Variants in MYO16 observed in about 807,000 individuals in gnomAD.
MYO16 encodes myosin XVI.
MYO16 carries 94 observed loss-of-function variants against 205.3 expected under a neutral mutation model. That is an observed-to-expected ratio of 0.46 (90% CI 0.39 to 0.54). MYO16 has a LOEUF of 0.54. Among genes scored for constraint, MYO16 ranks in the 20% least tolerant of loss-of-function variants. The probability of loss-of-function intolerance (pLI) is 0.00; values close to 1 mark genes in which losing one functional copy is unlikely to be tolerated. For missense variants in MYO16, 2,315 were observed against 2,387.5 expected, an observed-to-expected ratio of 0.97 and a Z score of 0.63; for synonymous variants, 988 against 954.0, an observed-to-expected ratio of 1.04 and a Z score of -0.66.
At chr13:109,034,669 G>A (rs1886655407) in intron 23 of MYO16, among the ~76,000 whole-genome samples, 2 of 152,114 alleles carry the variant, frequency 1.3e-5, no homozygotes, top group Non-Finnish European at 2.9e-5. Context: ...AGTCCCTGCT[G>A]TTTTCCTTGG....
the MYO16 span, among the ~76,000 whole-genome samples, chr13:108,568,931 C>A: frequency 3.3e-5 from 5 of 151,844 alleles, no homozygotes; most frequent in Non-Finnish European, 7.4e-5. Flanking sequence ...TCCTGAAAAC[C>A]TATTATTTTC....
chr13:109,172,702 T>C (rs1174544095), intron 33 of MYO16, among the ~76,000 whole-genome samples: 1 of 152,208 alleles, frequency 6.6e-6, no homozygotes, highest in East Asian at 1.9e-4. Flanking sequence ...TTTTATATGA[T>C]GAAATTTAGC....
chr13:108,596,779 T>TA (rs1248583963), intron 1 of MYO16, among the ~76,000 whole-genome samples: 3 of 152,218 alleles, frequency 2.0e-5, no homozygotes, highest in Admixed American at 1.3e-4. Context: ...GTACTTTTGG[T>TA]AAAAACAGTG....
chr13:109,179,765 C>CCTG, intron 34 of MYO16, 132 bp downstream of exon 34: 1 of 622,576 alleles, frequency 1.6e-6, no homozygotes. Context: ...CTGCCCTGCA[C>CCTG]TCCTTCAGCT....
Position 108,806,198 on chromosome 13 carries a change from T to A in MYO16, c.742-481T>A, listed in dbSNP as rs9583294. Among the ~76,000 whole-genome samples the A allele has an allele frequency of 9.0e-3, 1,377 of 152,312 alleles. 28 individuals are homozygous for A. Among genetic ancestry groups the A allele is most frequent in the African/African-American group, 0.032 (1,332 of 41,566 alleles). ...TTTTTAAGCCGCCGGGATTAGTTAA[T>A]CCTTTTCAGTGTTTCTGTGCCTTTT... On this transcript the variant is annotated intron_variant, in intron 6 of 34. Coordinates refer to ENST00000457511, the MANE Select transcript of MYO16 (RefSeq NM_001198950.3).
At position 108,898,189 on chromosome 13, in the gene MYO16, G is replaced by A. The variant is rs141581521; in HGVS notation, c.1777+56G>A. On this transcript the variant is annotated intron_variant, in intron 15 of 34. Transcript: ENST00000457511. ...CTGTGCCGAGCCAGCATGCGACCACGTCACACACAGGCACGCTATGGACAC... is the reference window on the plus strand; with the variant it reads ...CTGTGCCGAGCCAGCATGCGACCACATCACACACAGGCACGCTATGGACAC... 2,715 of 1,338,478 alleles carry A rather than the reference G, an allele frequency of 2.0e-3. 88 individuals are homozygous for A. The Admixed American group carries it at 0.042, about 21-fold the overall frequency. 82.9% of individuals were successfully genotyped at this position (1,338,478 alleles called of 1,614,324 possible).
In MYO16 at chr13:109,125,107, A is replaced by G; in HGVS notation, c.3536-5A>G. The G allele has an allele frequency of 6.2e-7, 1 of 1,613,816 alleles. No individual in the cohort carries two copies. The highest frequency in any genetic ancestry group is 8.5e-7 in the Non-Finnish European group (1 of 1,179,882). On this transcript the variant is annotated splice_polypyrimidine_tract_variant and splice_region_variant and intron_variant, in intron 29 of 34. Transcript: ENST00000457511. This position sits in a 1 kb window ranked among gnomAD's most constrained non-coding sequence, Gnocchi z 4.0. ...ATTTACTAACCCATGATCCTTCTAT[A>G]AAAGTTATCAGAGGATTTTTAGCAC... is the stretch of plus-strand genomic sequence containing the variant.
intron 16 of MYO16, among the ~76,000 whole-genome samples, chr13:108,929,300 G>A (rs892276360): frequency 6.6e-6 from 1 of 152,180 alleles, no homozygotes; most frequent in African/African-American, 2.4e-5. Flanking sequence ...GGCAGCATAT[G>A]CACAAGTGAA....
chr13:109,103,196 T>C lies in MYO16; in HGVS notation c.3438+2309T>C, dbSNP rs557697125. Among the ~76,000 whole-genome samples the C allele has an allele frequency of 2.6e-5, 4 of 152,340 alleles. No individual in the cohort carries two copies. In the East Asian group the frequency reaches 7.7e-4, roughly 29 times the overall value. On this transcript the variant is annotated intron_variant, in intron 28 of 34. Transcript: ENST00000457511. ...AACACTCATTCCTAACCTGGAAAGT[T>C]AGACTCCTCAGTTTCAAAAGCAAAG...
In MYO16 at chr13:108,725,619, A is replaced by G. The variant is rs573014591; in HGVS notation, c.364-1821A>G. ...GCAGGAACAGGCACCGTTTCTTGCA[A>G]CTTATGAGCCCTGAGTCCTCTTTCT... On this transcript the variant is annotated intron_variant, in intron 3 of 34. Coordinates refer to ENST00000457511, the MANE Select transcript of MYO16 (RefSeq NM_001198950.3). 1.8e-3 allele frequency among the ~76,000 whole-genome samples: 270 copies of G among 152,306 alleles called. 1 individual carries two copies. Among genetic ancestry groups the G allele is most frequent in the Non-Finnish European group, 2.8e-3 (191 of 68,016 alleles).
chr13:108,654,302 G>A (rs1396848545), intron 1 of MYO16, among the ~76,000 whole-genome samples: 1 of 152,060 alleles, frequency 6.6e-6, no homozygotes, highest in Non-Finnish European at 1.5e-5. Flanking sequence ...GAATCACGGG[G>A]GCGGTTTCCC....
chr13:109,050,375 G>A (rs1286891286), intron 24 of MYO16, among the ~76,000 whole-genome samples: 1 of 151,996 alleles, frequency 6.6e-6, no homozygotes, highest in Non-Finnish European at 1.5e-5. Flanking sequence ...AGTCCCAAGA[G>A]GTAGTGGGGT....
intron 1 of MYO16, among the ~76,000 whole-genome samples, chr13:108,618,756 C>A (rs145484877): frequency 6.6e-6 from 1 of 152,082 alleles, no homozygotes; most frequent in Non-Finnish European, 1.5e-5. Flanking sequence ...TAGTTTTACA[C>A]CCTTAGAAAT....
chr13:108,507,331 C>A, the MYO16 span, among the ~76,000 whole-genome samples: 2 of 152,076 alleles, frequency 1.3e-5, no homozygotes, highest in African/African-American at 4.8e-5. Flanking sequence ...ACTCCTTTAG[C>A]TTTCTGTTAT....
intron 1 of MYO16, among the ~76,000 whole-genome samples, chr13:108,659,731 A>G (rs1926537): frequency 0.99 from 150,399 of 152,260 alleles, 74,309 homozygotes; most frequent in East Asian, 1. Context: ...TTCCATCAAC[A>G]TAATTGTCCG....
chr13:108,842,523 C>T (rs1337937), intron 9 of MYO16, among the ~76,000 whole-genome samples: 86,243 of 151,846 alleles, frequency 0.57, 26,409 homozygotes, highest in Middle Eastern at 0.72. Context: ...TACTCAACAT[C>T]AGAGAAATTT....
At chr13:108,696,143 G>A (rs1883082921) in intron 2 of MYO16, among the ~76,000 whole-genome samples, 1 of 152,148 alleles carries the variant, frequency 6.6e-6, no homozygotes, top group Admixed American at 6.6e-5. Context: ...GCTGGTGGGA[G>A]TATAAGACAA....
chr13:108,839,392 G>A (rs1442489083), intron 9 of MYO16, among the ~76,000 whole-genome samples: 1 of 151,912 alleles, frequency 6.6e-6, no homozygotes, highest in Non-Finnish European at 1.5e-5. Context: ...ATTTTTATGA[G>A]CATTATAAGC....
chr13:109,028,698 G>T (rs1886445254), intron 23 of MYO16, among the ~76,000 whole-genome samples: 1 of 150,658 alleles, frequency 6.6e-6, no homozygotes, highest in African/African-American at 2.4e-5. Context: ...GGTGGATTTT[G>T]ATTGTATTTG....
Sources: gnomAD v4.1 joint callset for allele counts (sites outside exome capture counted in the v4.1 genomes callset) on GRCh38, gnomAD v4.1.1 for gene constraint, Gnocchi (gnomAD v3.1) non-coding constraint, MANE v1.5 for transcripts, NCBI Gene and HGNC (gene_info 2026-07-23, HGNC 2026-07-21) for gene names.